Variants in DLG5 observed in about 807,000 individuals in gnomAD.
The protein encoded by DLG5 is discs large MAGUK scaffold protein 5, also known as disks large homolog 5.
A neutral mutation model predicts 189.8 loss-of-function variants in DLG5; 48 were observed. The observed-to-expected ratio is 0.25, with a 90% CI of 0.20 to 0.32. DLG5 has a LOEUF of 0.32. DLG5 is among the 10% of genes least tolerant of loss of function. The pLI, the probability that DLG5 is intolerant of heterozygous loss-of-function variation, is 1.00. For synonymous variants in DLG5, 1,016 were observed against 1,054.1 expected (o/e 0.96, Z 0.70); for missense variants, 2,160 against 2,544.7 (o/e 0.85, Z 3.25).
rs114120835 is a variant in DLG5 at position 77,909,789 on chromosome 10, T to C, written c.304+16428A>G. ...GAGAAGGACTCAAAACCAGCACATT[T>C]TGGTTTTGTTTACTTTCCTGCTTTT... is the stretch of plus-strand genomic sequence containing the variant. On this transcript the variant is annotated intron_variant, in intron 1 of 31. Transcript: ENST00000372391. 9.0e-3 allele frequency among the ~76,000 whole-genome samples: 1,368 copies of C among 152,204 alleles called. 23 individuals carry two copies. Among genetic ancestry groups the C allele is most frequent in the African/African-American group, 0.031 (1,286 of 41,538 alleles).
chr10:77,865,613 GA>G (rs1365584893), intron 2 of DLG5, among the ~76,000 whole-genome samples: 1 of 152,224 alleles, frequency 6.6e-6, no homozygotes, highest in Non-Finnish European at 1.5e-5. Flanking sequence ...AGGCTACTGA[GA>G]AATTAGGTCA....
intron 29 of DLG5, 126 bp from the exon 30 acceptor site, chr10:77,795,084 C>T (rs1478304245): frequency 7.3e-6 from 5 of 688,680 alleles, no homozygotes; most frequent in Non-Finnish European, 1.3e-5. Flanking sequence ...TAAAGCCACA[C>T]AGTACACCGT....
At chr10:77,862,710 T>C (rs1844518715) in intron 2 of DLG5, among the ~76,000 whole-genome samples, 1 of 152,206 alleles carries the variant, frequency 6.6e-6, no homozygotes, top group Non-Finnish European at 1.5e-5. Context: ...GTCCTTATGA[T>C]GGAGTATTAC....
chr10:77,820,476 A>G (rs1391822317), intron 15 of DLG5: 2 of 164,734 alleles, frequency 1.2e-5, no homozygotes, highest in Non-Finnish European at 2.6e-5. Flanking sequence ...CTGCCCATTC[A>G]TGTTGCCTTA....
At chr10:77,913,506 A>G (rs1402713800) in intron 1 of DLG5, among the ~76,000 whole-genome samples, 1 of 152,200 alleles carries the variant, frequency 6.6e-6, no homozygotes, top group Non-Finnish European at 1.5e-5. Context: ...AAGAAAAATG[A>G]CATGCTGCCT....
intron 1 of DLG5, among the ~76,000 whole-genome samples, chr10:77,884,471 G>A (rs7085966): frequency 0.12 from 17,800 of 152,040 alleles, 3,448 homozygotes; most frequent in African/African-American, 0.4. Flanking sequence ...TGGGCAAGTC[G>A]GGCAAGAGTA....
chr10:77,866,308 T>A (rs747234461), intron 2 of DLG5, among the ~76,000 whole-genome samples: 1 of 152,224 alleles, frequency 6.6e-6, no homozygotes, highest in African/African-American at 2.4e-5. Flanking sequence ...GCTATTAAGC[T>A]GTAGAAACCC....
rs148713418 is a variant in DLG5 at position 77,819,394 on chromosome 10, G to A, written c.3598C>T (p.Arg1200Cys). Residue 1200 changes from arginine to cysteine, a missense_variant, in exon 17 of 32, where the codon CGC becomes TGC. This residue lies in a region of DLG5 where 754 missense variants were observed against 746.5 expected (regional missense o/e 1.01). Coordinates refer to ENST00000372391, the MANE Select transcript of DLG5 (RefSeq NM_004747.4). ...SILRNPIYTV[R>C]SHRVGPCSSP... ...CTGCAGGGGCCGACCCTGTGACTGC[G>A]CACAGTGTAGATGGGGTTCCGCAGG... 74 of 1,613,984 alleles carry A rather than the reference G, an allele frequency of 4.6e-5. No homozygotes were observed. Among genetic ancestry groups the A allele is most frequent in the Non-Finnish European group, 5.5e-5 (65 of 1,180,018 alleles).
intron 5 of DLG5, among the ~76,000 whole-genome samples, chr10:77,845,590 T>G: frequency 3.0e-5 from 4 of 135,106 alleles, no homozygotes; most frequent in Admixed American, 1.6e-4. Context: ...GAGGGAGAAA[T>G]GGAGGGAAGG....
At position 77,848,072 on chromosome 10, in the gene DLG5, C is replaced by T. The variant is rs550278204; in HGVS notation, c.865-4366G>A. ...AGATGATGTCCCTCCAGCCTGAGCA[C>T]GGGACAGTTGGCCTGTGAGTTCAAG... On this transcript the variant is annotated intron_variant, in intron 5 of 31. Coordinates refer to ENST00000372391, the MANE Select transcript of DLG5 (RefSeq NM_004747.4). Among the ~76,000 whole-genome samples the T allele has an allele frequency of 1.4e-4, 21 of 152,256 alleles. No homozygotes were observed. The South Asian group carries it at 3.1e-3, about 23-fold the overall frequency.
chr10:77,937,628 C>G, the DLG5 span, among the ~76,000 whole-genome samples: 1 of 152,018 alleles, frequency 6.6e-6, no homozygotes, highest in African/African-American at 2.4e-5. Flanking sequence ...TTGCATATCC[C>G]CACCTTGTTC....
chr10:77,917,970 A>G (rs1846416337), intron 1 of DLG5, among the ~76,000 whole-genome samples: 1 of 151,772 alleles, frequency 6.6e-6, no homozygotes, highest in South Asian at 2.1e-4. Context: ...GTGAGCCGAG[A>G]TCATGCCATT....
At chr10:77,841,794 C>G in intron 7 of DLG5, 87 bp downstream of exon 7, 1 of 1,482,016 alleles carries the variant, frequency 6.7e-7, no homozygotes, top group Middle Eastern at 1.8e-4. Flanking sequence ...CAGGAGGCTT[C>G]TAATCCGGAC....
At chr10:77,847,542 C>A (rs899457967) in intron 5 of DLG5, among the ~76,000 whole-genome samples, 1 of 152,132 alleles carries the variant, frequency 6.6e-6, no homozygotes, top group Non-Finnish European at 1.5e-5. Context: ...GCTGGGGAAC[C>A]AGGTCATGGT....
intron 29 of DLG5, among the ~76,000 whole-genome samples, chr10:77,795,832 C>T (rs768624157): frequency 5.3e-5 from 8 of 152,150 alleles, no homozygotes; most frequent in Admixed American, 2.0e-4. Flanking sequence ...GAAGATGGGG[C>T]GGCACATACA....
intron 1 of DLG5, among the ~76,000 whole-genome samples, chr10:77,875,341 C>T (rs990619945): frequency 2.0e-5 from 3 of 152,168 alleles, no homozygotes; most frequent in African/African-American, 7.2e-5. Flanking sequence ...AGGCGGAACC[C>T]ATTTCTCTGG....
intron 26 of DLG5, 40 bp downstream of exon 26, chr10:77,806,718 A>ACGCCGCCCCC: frequency 7.5e-7 from 1 of 1,333,654 alleles, no homozygotes; most frequent in Non-Finnish European, 1.1e-6. Flanking sequence ...GCCCTCGGCG[A>ACGCCGCCCCC]CCCCTGCCCC....
chr10:77,886,615 A>G (rs543321394), intron 1 of DLG5, among the ~76,000 whole-genome samples: 1 of 152,234 alleles, frequency 6.6e-6, no homozygotes, highest in South Asian at 2.1e-4. Flanking sequence ...TTGGCCTCCC[A>G]AAGTGCTGGG....
At chr10:77,898,822 G>C (rs919296636) in intron 1 of DLG5, among the ~76,000 whole-genome samples, 1 of 152,200 alleles carries the variant, frequency 6.6e-6, no homozygotes, top group African/African-American at 2.4e-5. Flanking sequence ...GTCACCAAAT[G>C]CTAGATGCAA....
Sources: gnomAD v4.1 joint callset for allele counts (sites outside exome capture counted in the v4.1 genomes callset) on GRCh38, gnomAD v4.1.1 for gene constraint, gnomAD v4.1.1 regional missense constraint, MANE v1.5 for transcripts, NCBI Gene and HGNC (gene_info 2026-07-23, HGNC 2026-07-21) for gene names.